The following CCDC192 variants were observed in gnomAD, a reference collection of about 807,000 sequenced individuals.
CCDC192 encodes the protein coiled-coil domain-containing protein 192.
At chr5:127,745,201 C>A (rs1753669385) in intron 2 of CCDC192, among the ~76,000 whole-genome samples, 1 of 152,150 alleles carries the variant, frequency 6.6e-6, no homozygotes, top group Non-Finnish European at 1.5e-5. Context: ...CAGTCAGAAA[C>A]CTTGAGCCAA....
At chr5:127,830,403 T>C (rs917461062) in intron 5 of CCDC192, among the ~76,000 whole-genome samples, 1 of 152,182 alleles carries the variant, frequency 6.6e-6, no homozygotes, top group Non-Finnish European at 1.5e-5. Flanking sequence ...TTGCTTATCA[T>C]TATGCAAGCT....
At chr5:127,795,383 TA>T (rs1757109416) in intron 3 of CCDC192, among the ~76,000 whole-genome samples, 1 of 151,542 alleles carries the variant, frequency 6.6e-6, no homozygotes, top group Non-Finnish European at 1.5e-5. Flanking sequence ...AGAATAATTA[TA>T]ATAAGAGCTG....
At chr5:127,783,040 G>A (rs1756329050) in intron 3 of CCDC192, among the ~76,000 whole-genome samples, 1 of 150,672 alleles carries the variant, frequency 6.6e-6, no homozygotes, top group Non-Finnish European at 1.5e-5. Flanking sequence ...CTGTCACCCA[G>A]GCTGGAGTTC....
chr5:127,894,301 T>C (rs1752814320), intron 6 of CCDC192, among the ~76,000 whole-genome samples: 1 of 151,464 alleles, frequency 6.6e-6, no homozygotes, highest in African/African-American at 2.4e-5. Context: ...CATGCCATTC[T>C]TCTGCCTCAG....
intron 6 of CCDC192, among the ~76,000 whole-genome samples, chr5:127,887,646 A>T (rs1243176158): frequency 1.3e-5 from 2 of 151,794 alleles, no homozygotes; most frequent in African/African-American, 2.4e-5. Flanking sequence ...ACAACCAGAC[A>T]TTATTCATTT....
chr5:127,938,320 C>T (rs1754240730), intron 6 of CCDC192, among the ~76,000 whole-genome samples: 1 of 152,170 alleles, frequency 6.6e-6, no homozygotes, highest in Non-Finnish European at 1.5e-5. Flanking sequence ...GCAGTCATCA[C>T]TTTTTGCCAA....
intron 3 of CCDC192, 97 bp downstream of exon 3, chr5:127,754,472 TACACACACACACACACACACATACACAC>T: frequency 9.2e-6 from 3 of 326,784 alleles, no homozygotes; most frequent in African/African-American, 4.4e-5. Context: ...CCTCTACTGA[TACACACACACACACACACACATACACAC>T]ACACACACAC....
chr5:127,885,954 T>C (rs1006924476), intron 6 of CCDC192, among the ~76,000 whole-genome samples: 1 of 152,106 alleles, frequency 6.6e-6, no homozygotes, highest in African/African-American at 2.4e-5. Flanking sequence ...GAACATATGA[T>C]TAAAAAGAAG....
chr5:127,823,792 G>A (rs920030726), intron 5 of CCDC192, among the ~76,000 whole-genome samples: 4 of 152,128 alleles, frequency 2.6e-5, no homozygotes, highest in East Asian at 1.9e-4. Flanking sequence ...CTCTACAATC[G>A]TGTTTCAGAA....
At chr5:127,735,741 G>T (rs1367447745) in intron 2 of CCDC192, among the ~76,000 whole-genome samples, 1 of 129,078 alleles carries the variant, frequency 7.7e-6, no homozygotes, top group East Asian at 2.5e-4. Flanking sequence ...TCTGTTGTTG[G>T]TGTATAAGAA....
intron 5 of CCDC192, among the ~76,000 whole-genome samples, chr5:127,870,096 G>T (rs768074312): frequency 7.2e-5 from 11 of 152,174 alleles, no homozygotes; most frequent in Non-Finnish European, 1.2e-4. Context: ...TTCATTCGAG[G>T]CATTTGTAAG....
intron 4 of CCDC192, among the ~76,000 whole-genome samples, chr5:127,797,756 TATATATA>T (rs1561494083): frequency 8.1e-4 from 28 of 34,550 alleles, no homozygotes; most frequent in African/African-American, 1.5e-3. Context: ...TATATATATA[TATATATA>T]TATATATATA....
At chr5:127,706,130 A>G (rs1051672394) in intron 1 of CCDC192, among the ~76,000 whole-genome samples, 2 of 152,078 alleles carry the variant, frequency 1.3e-5, no homozygotes, top group Admixed American at 1.3e-4. Flanking sequence ...TTTTTGAAAA[A>G]TGAGTAAAAG....
chr5:127,737,993 T>C (rs1361716757), intron 2 of CCDC192, among the ~76,000 whole-genome samples: 1 of 152,008 alleles, frequency 6.6e-6, no homozygotes, highest in Non-Finnish European at 1.5e-5. Flanking sequence ...CTGGTTATTT[T>C]GCTCGTTAGT....
At chr5:127,745,818 A>G (rs937212796) in intron 2 of CCDC192, among the ~76,000 whole-genome samples, 2 of 152,210 alleles carry the variant, frequency 1.3e-5, no homozygotes, top group Non-Finnish European at 2.9e-5. Flanking sequence ...TACAAATTGC[A>G]TGTGTCCACA....
chr5:127,726,864 C>T (rs1009690733), intron 2 of CCDC192, among the ~76,000 whole-genome samples: 6 of 152,212 alleles, frequency 3.9e-5, no homozygotes, highest in African/African-American at 1.2e-4. Context: ...TGGGATTCCT[C>T]CCACACAGTG....
intron 6 of CCDC192, among the ~76,000 whole-genome samples, chr5:127,896,784 A>G (rs1265466187): frequency 6.6e-6 from 1 of 152,066 alleles, no homozygotes. Context: ...TTTGCGGTTT[A>G]TTAAAGAAAA....
At chr5:127,766,602 C>T (rs1755236914) in intron 3 of CCDC192, among the ~76,000 whole-genome samples, 1 of 105,656 alleles carries the variant, frequency 9.5e-6, no homozygotes. Context: ...GTACTCACGT[C>T]CTGTGTAAAA....
chr5:127,714,043 C>A (rs186025802), intron 2 of CCDC192, among the ~76,000 whole-genome samples: 1 of 152,262 alleles, frequency 6.6e-6, no homozygotes, highest in East Asian at 1.9e-4. Flanking sequence ...CTCTCTATTT[C>A]TATGAAATTG....
Sources: gnomAD v4.1 joint callset for allele counts (sites outside exome capture counted in the v4.1 genomes callset) on GRCh38, gnomAD v4.1.1 for gene constraint, MANE v1.5 for transcripts, NCBI Gene and HGNC (gene_info 2026-07-23, HGNC 2026-07-21) for gene names.